The following USH2A variants were observed in gnomAD, a reference collection of about 807,000 sequenced individuals.
The protein encoded by USH2A is Usher syndrome 2A (autosomal recessive, mild).
In USH2A, 443 loss-of-function variants were observed where a neutral mutation model predicts 538.9. That is an observed-to-expected ratio of 0.82 (90% CI 0.76 to 0.89). USH2A has a LOEUF of 0.89. Among genes scored for constraint, USH2A ranks in the 40% least tolerant of loss-of-function variants. USH2A has a pLI of 0.00. For synonymous variants in USH2A, 2,413 were observed against 2,273.5 expected (o/e 1.06, Z -1.75); for missense variants, 6,633 against 6,324.8 (o/e 1.05, Z -1.65).
chr1:216,342,447 G>C (rs1220410168), intron 4 of USH2A, among the ~76,000 whole-genome samples: 2 of 152,092 alleles, frequency 1.3e-5, no homozygotes, highest in African/African-American at 4.8e-5. Flanking sequence ...CAAAGACCCA[G>C]AACCAGAAAT....
chr1:215,634,523 G>A lies in USH2A; in HGVS notation c.15233C>T (p.Pro5078Leu), dbSNP rs527236122. Residue 5078 changes from proline to leucine, a missense_variant, in exon 70 of 72, where the codon CCC becomes CTC. Transcript: ENST00000307340. Reference protein sequence around the residue: ...HKEPYIRERPPLVPLQKRMSP... With the variant: ...HKEPYIRERPLLVPLQKRMSP... ...CATCCTCTTCTGAAGAGGTACCAAGGGAGGTCTTTCTCTGATATATGGCTC... is the reference window on the plus strand; with the variant it reads ...CATCCTCTTCTGAAGAGGTACCAAGAGAGGTCTTTCTCTGATATATGGCTC... 6.2e-7 allele frequency: 1 copy of A among 1,614,154 alleles called. No homozygotes were observed. Among genetic ancestry groups the A allele is most frequent in the Non-Finnish European group, 8.5e-7 (1 of 1,180,030 alleles).
intron 21 of USH2A, among the ~76,000 whole-genome samples, chr1:216,156,950 T>A (rs920019666): frequency 6.6e-6 from 1 of 151,810 alleles, no homozygotes; most frequent in African/African-American, 2.4e-5. Flanking sequence ...CTTGGCTCAC[T>A]GCAACCCCTG....
At chr1:215,996,250 A>G (rs1668132985) in intron 34 of USH2A, among the ~76,000 whole-genome samples, 1 of 152,222 alleles carries the variant, frequency 6.6e-6, no homozygotes, top group Middle Eastern at 3.2e-3. Flanking sequence ...TTTCAGGTCC[A>G]CAGGGATTGG....
At chr1:215,982,874 A>C (rs1002803047) in intron 35 of USH2A, among the ~76,000 whole-genome samples, 2 of 152,158 alleles carry the variant, frequency 1.3e-5, no homozygotes, top group Non-Finnish European at 2.9e-5. Context: ...GAGAAGGGAG[A>C]GGTGGATGCT....
At position 215,650,529 on chromosome 1, in the gene USH2A, A is replaced by G. The variant is rs1046236306; in HGVS notation, c.14343+63T>C. The stretch of plus-strand genomic sequence containing the variant: ...AGGGAAAAACAAAAACATAAAAACA[A>G]AGGTTTCATAGTAATGATTTTTAAA... On this transcript the variant is annotated intron_variant, in intron 65 of 71. Coordinates refer to ENST00000307340, the MANE Select transcript of USH2A (RefSeq NM_206933.4). The G allele has an allele frequency of 1.9e-6, 3 of 1,593,190 alleles. No homozygotes were observed. In the African/African-American group the frequency reaches 4.0e-5, roughly 21 times the overall value.
chr1:215,846,162 A>T, intron 44 of USH2A, 129 bp from the exon 45 acceptor site: 1 of 865,492 alleles, frequency 1.2e-6, no homozygotes, highest in East Asian at 2.6e-5. Context: ...GAAATGTTAA[A>T]AAAAGCTTAT....
chr1:215,854,380 G>T (rs559400839), intron 44 of USH2A, among the ~76,000 whole-genome samples: 1 of 152,062 alleles, frequency 6.6e-6, no homozygotes, highest in South Asian at 2.1e-4. Flanking sequence ...ATTTGGGTGG[G>T]GATACAGCCA....
At chr1:216,218,999 TG>T (rs1454058634) in intron 14 of USH2A, among the ~76,000 whole-genome samples, 1 of 151,958 alleles carries the variant, frequency 6.6e-6, no homozygotes, top group East Asian at 1.9e-4. Flanking sequence ...TATGTGTGTG[TG>T]TGTGTGTGTG....
intron 20 of USH2A, among the ~76,000 whole-genome samples, chr1:216,188,135 T>C (rs1452399413): frequency 6.6e-6 from 1 of 151,688 alleles, no homozygotes; most frequent in Non-Finnish European, 1.5e-5. Context: ...TTTAATCGCC[T>C]CACCAGTAAC....
intron 4 of USH2A, among the ~76,000 whole-genome samples, chr1:216,342,061 C>T (rs547167857): frequency 6.6e-6 from 1 of 152,082 alleles, no homozygotes; most frequent in Non-Finnish European, 1.5e-5. Flanking sequence ...GAGTAGGCAA[C>T]CTACAGAATG....
rs35148862 is a variant in USH2A, at chr1:215,770,971, A to G, written c.10940-4183T>C. ...AAAAAAAAAAAAAAAAAAAAAACCT[A>G]CAAAAATTAGCCAGGCGTGGTGGTG... On this transcript the variant is annotated intron_variant, in intron 55 of 71. Coordinates refer to ENST00000307340, the MANE Select transcript of USH2A (RefSeq NM_206933.4). Among the ~76,000 whole-genome samples, 4 of 147,672 alleles carry G rather than the reference A, an allele frequency of 2.7e-5. No homozygotes were observed. In the East Asian group the frequency reaches 6.0e-4, roughly 22 times the overall value.
chr1:215,655,798 C>T (rs1657232457), intron 64 of USH2A, among the ~76,000 whole-genome samples: 2 of 144,010 alleles, frequency 1.4e-5, no homozygotes, highest in African/African-American at 5.2e-5. Flanking sequence ...TGGAGTGGCG[C>T]GATCTCGACT....
At chr1:216,268,491 C>G (rs901680467) in intron 11 of USH2A, among the ~76,000 whole-genome samples, 1 of 152,126 alleles carries the variant, frequency 6.6e-6, no homozygotes, top group African/African-American at 2.4e-5. Context: ...CTGTACATTT[C>G]ACACTGGTAT....
chr1:216,023,459 C>CAAAAAAAAAACAAAAAA (rs1668886766), intron 32 of USH2A, among the ~76,000 whole-genome samples: 1 of 46,956 alleles, frequency 2.1e-5, no homozygotes, highest in African/African-American at 9.1e-5. Flanking sequence ...TCAAAGCAGA[C>CAAAAAAAAAACAAAAAA]AAAAAAAAAA....
intron 46 of USH2A, among the ~76,000 whole-genome samples, chr1:215,840,248 G>A (rs1481271193): frequency 2.7e-5 from 4 of 150,514 alleles, no homozygotes; most frequent in African/African-American, 9.8e-5. Flanking sequence ...TTTTACAGAT[G>A]GGGTTAGCAT....
At chr1:216,405,280 A>T (rs1429933489) in intron 3 of USH2A, among the ~76,000 whole-genome samples, 3 of 152,230 alleles carry the variant, frequency 2.0e-5, no homozygotes, top group African/African-American at 7.2e-5. Context: ...AAGAGGAAAG[A>T]TTGATAAATT....
chr1:215,911,018 T>A (rs1558156990), intron 38 of USH2A, among the ~76,000 whole-genome samples: 2 of 151,964 alleles, frequency 1.3e-5, no homozygotes, highest in African/African-American at 4.8e-5. Flanking sequence ...TACCCAGCCA[T>A]CTTAGTTTTA....
chr1:216,122,447 T>C (rs768516145), intron 21 of USH2A, among the ~76,000 whole-genome samples: 5 of 152,156 alleles, frequency 3.3e-5, no homozygotes, highest in Non-Finnish European at 7.3e-5. Context: ...GGGATGTGCA[T>C]GTAATAGAAA....
intron 21 of USH2A, among the ~76,000 whole-genome samples, chr1:216,121,116 T>G (rs953960256): frequency 5.3e-5 from 8 of 152,168 alleles, no homozygotes; most frequent in African/African-American, 1.9e-4. Flanking sequence ...AACAAATCCT[T>G]TAATTATTTG....
Sources: allele counts gnomAD v4.1 joint callset (sites outside exome capture counted in the v4.1 genomes callset), GRCh38; gene constraint gnomAD v4.1.1; transcripts MANE v1.5; gene names NCBI Gene and HGNC (gene_info 2026-07-23, HGNC 2026-07-21).